The following NAV2 variants were observed in gnomAD, a reference collection of about 807,000 sequenced individuals.
The protein encoded by NAV2 is helicase, APC down-regulated 1.
A neutral mutation model predicts 223.2 loss-of-function variants in NAV2; 54 were observed. The observed-to-expected ratio is 0.24, with a 90% CI of 0.19 to 0.30. The LOEUF (loss-of-function observed/expected upper bound fraction) is 0.30, where lower values mean the gene tolerates loss of function less well. Ranked by LOEUF, NAV2 falls within the 10% of genes least tolerant of loss-of-function variation. NAV2 has a pLI of 1.00. For synonymous variants in NAV2, 1,279 were observed against 1,239.3 expected (o/e 1.03, Z -0.67); for missense variants, 2,806 against 3,147.5 (o/e 0.89, Z 2.60).
At chr11:19,547,812 A>C (rs958203538) in intron 1 of NAV2, among the ~76,000 whole-genome samples, 1 of 152,212 alleles carries the variant, frequency 6.6e-6, no homozygotes, top group Non-Finnish European at 1.5e-5. Flanking sequence ...CTGAGAACTC[A>C]CTTTTACTAT....
At chr11:19,393,626 G>A (rs1455613642) in intron 1 of NAV2, among the ~76,000 whole-genome samples, 1 of 152,194 alleles carries the variant, frequency 6.6e-6, no homozygotes, top group Non-Finnish European at 1.5e-5. Flanking sequence ...AACGGAAATC[G>A]TATCAGCTGT....
At chr11:19,987,735 A>C (rs1267586445) in intron 11 of NAV2, among the ~76,000 whole-genome samples, 1 of 152,192 alleles carries the variant, frequency 6.6e-6, no homozygotes, top group Non-Finnish European at 1.5e-5. Flanking sequence ...GAAGATAGTA[A>C]AGTGTGCCCT....
intron 1 of NAV2, among the ~76,000 whole-genome samples, chr11:19,357,226 C>T (rs1472133323): frequency 6.6e-6 from 1 of 152,136 alleles, no homozygotes; most frequent in Non-Finnish European, 1.5e-5. Flanking sequence ...TCTCTTTAGA[C>T]TTAATTTTAT....
intron 16 of NAV2, 86 bp from the exon 17 acceptor site, chr11:20,051,203 C>A: frequency 1.9e-6 from 2 of 1,080,440 alleles, no homozygotes; most frequent in South Asian, 2.5e-5. Context: ...TTCTCCAGGG[C>A]CCTTCAGTCC....
At chr11:19,623,660 A>C (rs1418879720) in intron 1 of NAV2, among the ~76,000 whole-genome samples, 1 of 152,154 alleles carries the variant, frequency 6.6e-6, no homozygotes, top group Non-Finnish European at 1.5e-5. Context: ...CCAGTTAGCC[A>C]TTCGTCTAAT....
chr11:19,867,213 T>C (rs1450608010), intron 3 of NAV2, among the ~76,000 whole-genome samples: 1 of 152,170 alleles, frequency 6.6e-6, no homozygotes, highest in African/African-American at 2.4e-5. Flanking sequence ...ACACACAGGG[T>C]ACTCCCAGCC....
In NAV2 at chr11:20,049,817, T is replaced by C; in HGVS notation, c.4371-19T>C. ...AGCTAACGTTCCTTCTCTTGTTTTC[T>C]ACCTGCCTGGACTTCTAGCCCTCTC... On this transcript the variant is annotated intron_variant, in intron 15 of 37. Transcript: ENST00000349880. 3 of 1,613,218 alleles carry C rather than the reference T, an allele frequency of 1.9e-6. No homozygotes were observed. The highest frequency in any genetic ancestry group is 2.5e-6 in the Non-Finnish European group (3 of 1,179,166).
intron 1 of NAV2, among the ~76,000 whole-genome samples, chr11:19,751,334 A>T (rs751403974): frequency 6.6e-6 from 1 of 152,004 alleles, no homozygotes; most frequent in Non-Finnish European, 1.5e-5. Flanking sequence ...TGACTCATTT[A>T]CTCTTAGACT....
chr11:19,460,519 C>T (rs773163464), intron 1 of NAV2, among the ~76,000 whole-genome samples: 4 of 152,038 alleles, frequency 2.6e-5, no homozygotes, highest in African/African-American at 4.8e-5. Context: ...TCTTCCCTTG[C>T]GCTTCCCAGG....
chr11:19,599,259 C>T (rs2046292529), intron 1 of NAV2, among the ~76,000 whole-genome samples: 1 of 152,190 alleles, frequency 6.6e-6, no homozygotes, highest in African/African-American at 2.4e-5. Context: ...GTTTCTTTCC[C>T]CCTGAGAATC....
intron 1 of NAV2, among the ~76,000 whole-genome samples, chr11:19,396,162 GAAAA>G (rs1239261258): frequency 2.0e-5 from 3 of 152,198 alleles, no homozygotes; most frequent in African/African-American, 7.2e-5. Context: ...CAGCAGCTAT[GAAAA>G]TACAGAGGAG....
chr11:19,364,125 C>T (rs962292624), intron 1 of NAV2, among the ~76,000 whole-genome samples: 2 of 152,274 alleles, frequency 1.3e-5, no homozygotes, highest in Admixed American at 6.5e-5. Context: ...GGCAGCCAGC[C>T]CCCATCCTGA....
intron 22 of NAV2, among the ~76,000 whole-genome samples, chr11:20,071,831 G>A (rs908831118): frequency 8.6e-5 from 13 of 151,870 alleles, no homozygotes; most frequent in African/African-American, 2.4e-4. Context: ...ATTTGTTTAA[G>A]TTCTGGATAT....
intron 1 of NAV2, among the ~76,000 whole-genome samples, chr11:19,516,820 T>C (rs1226208000): frequency 1.3e-5 from 2 of 152,278 alleles, no homozygotes; most frequent in South Asian, 4.2e-4. Flanking sequence ...ATATACAACA[T>C]ACCCAAGTAT....
At chr11:19,830,332 C>T (rs902510965) in intron 1 of NAV2, among the ~76,000 whole-genome samples, 3 of 152,144 alleles carry the variant, frequency 2.0e-5, no homozygotes, top group African/African-American at 2.4e-5. Flanking sequence ...ATGAATAACT[C>T]GATTAACATT....
chr11:19,992,341 A>G (rs2051421464), intron 11 of NAV2, among the ~76,000 whole-genome samples: 1 of 152,226 alleles, frequency 6.6e-6, no homozygotes. Context: ...ACCATCTGTA[A>G]CTTAAACCAC....
At chr11:19,581,139 A>T (rs1298785946) in intron 1 of NAV2, among the ~76,000 whole-genome samples, 3 of 152,138 alleles carry the variant, frequency 2.0e-5, no homozygotes, top group Admixed American at 1.3e-4. Context: ...GTCGATTTGT[A>T]GGAGTTCCTT....
intron 10 of NAV2, among the ~76,000 whole-genome samples, chr11:19,977,157 C>T (rs573179210): frequency 6.6e-6 from 1 of 152,338 alleles, no homozygotes; most frequent in African/African-American, 2.4e-5. Context: ...CCCCCAAAGG[C>T]ATGAAGGCCA....
chr11:19,838,430 C>T (rs1347466351), intron 2 of NAV2, among the ~76,000 whole-genome samples: 4 of 152,052 alleles, frequency 2.6e-5, no homozygotes, highest in Non-Finnish European at 4.4e-5. Flanking sequence ...AGGGCATTCC[C>T]AGCAGAGAAA....
Sources: gnomAD v4.1 joint callset for allele counts (sites outside exome capture counted in the v4.1 genomes callset) on GRCh38, gnomAD v4.1.1 for gene constraint, MANE v1.5 for transcripts, NCBI Gene and HGNC (gene_info 2026-07-23, HGNC 2026-07-21) for gene names.